The following ALK variants were observed in gnomAD, a reference collection of about 807,000 sequenced individuals.
The protein encoded by ALK is ALK tyrosine kinase receptor.
Under a neutral mutation model 163.1 loss-of-function variants are expected in ALK, and 74 were observed. That is an observed-to-expected ratio of 0.45 (90% CI 0.38 to 0.55). ALK has a LOEUF of 0.55. Among genes scored for constraint, ALK ranks in the 20% least tolerant of loss-of-function variants. The probability of loss-of-function intolerance (pLI) is 0.00; values close to 1 mark genes in which losing one functional copy is unlikely to be tolerated. For missense variants in ALK, 2,063 were observed against 2,105.3 expected, an observed-to-expected ratio of 0.98 and a Z score of 0.39; for synonymous variants, 960 against 843.2, an observed-to-expected ratio of 1.14 and a Z score of -2.40.
At chr2:29,711,415 G>A (rs1679097944) in intron 2 of ALK, among the ~76,000 whole-genome samples, 1 of 152,082 alleles carries the variant, frequency 6.6e-6, no homozygotes, top group Non-Finnish European at 1.5e-5. Flanking sequence ...CTGTGTTCCT[G>A]GGCCTCTGTT....
At chr2:29,752,670 C>T (rs541116256) in intron 1 of ALK, among the ~76,000 whole-genome samples, 2 of 152,134 alleles carry the variant, frequency 1.3e-5, no homozygotes, top group Admixed American at 6.5e-5. Context: ...TTTCAACTTA[C>T]GATGGGTTCA....
At chr2:29,204,703 C>A (rs143864309) in intron 26 of ALK, among the ~76,000 whole-genome samples, 1,598 of 152,304 alleles carry the variant, frequency 0.01, 14 homozygotes, top group Non-Finnish European at 0.015. Context: ...ATTTCTCCTG[C>A]CTCAGCCTCC....
At chr2:29,746,882 T>C (rs1008672775) in intron 1 of ALK, among the ~76,000 whole-genome samples, 6 of 152,240 alleles carry the variant, frequency 3.9e-5, no homozygotes, top group African/African-American at 1.4e-4. Context: ...ATAATGTTTG[T>C]GCAGAAACAT....
At chr2:29,885,202 G>T (rs541733040) in intron 1 of ALK, among the ~76,000 whole-genome samples, 24 of 152,164 alleles carry the variant, frequency 1.6e-4, no homozygotes, top group African/African-American at 5.5e-4. Flanking sequence ...GCCCCTTGTT[G>T]CCCAGAAACC....
intron 4 of ALK, among the ~76,000 whole-genome samples, chr2:29,439,684 TA>T (rs59027264): frequency 0.038 from 5,551 of 144,634 alleles, 340 homozygotes; most frequent in African/African-American, 0.14. Context: ...GTGTTCTTGT[TA>T]AAAAAAAAAA....
intron 4 of ALK, among the ~76,000 whole-genome samples, chr2:29,507,713 C>T (rs947572878): frequency 1.3e-5 from 2 of 152,050 alleles, no homozygotes; most frequent in Non-Finnish European, 2.9e-5. Context: ...ATGAGTTGAA[C>T]ACAAACAAAT....
At chr2:29,380,758 A>G (rs1468489013) in intron 5 of ALK, among the ~76,000 whole-genome samples, 1 of 152,072 alleles carries the variant, frequency 6.6e-6, no homozygotes, top group Non-Finnish European at 1.5e-5. Context: ...AAACATCCAG[A>G]TCTTATGAGA....
At chr2:29,906,373 T>G (rs1161234654) in intron 1 of ALK, among the ~76,000 whole-genome samples, 2 of 152,242 alleles carry the variant, frequency 1.3e-5, no homozygotes, top group African/African-American at 4.8e-5. Flanking sequence ...GTACAGTGTC[T>G]AACATACTGA....
At chr2:29,714,642 G>A (rs1205805076) in intron 2 of ALK, among the ~76,000 whole-genome samples, 1 of 152,158 alleles carries the variant, frequency 6.6e-6, no homozygotes, top group African/African-American at 2.4e-5. Context: ...AGCCAACCAA[G>A]CGTGGACTTC....
chr2:29,920,406 G>T lies in ALK; in HGVS notation c.254C>A (p.Pro85His). The change falls in exon 1 of 29, where the codon CCC (proline) becomes CAC (histidine). Residue 85 changes from proline (P) to histidine (H), a missense_variant. Pro to His is a moderately conservative substitution (Grantham distance 77). Transcript: ENST00000389048. The stretch of plus-strand genomic sequence containing the variant: ...CAGAGCTAGCGAGCCGCGGGCCTCG[G>T]GCCTGCCAGCCTTCAGCTCCGAGGA... ...PSSSELKAGR[P>H]EARGSLALDC... is the part of the protein sequence containing the mutation. 1 of 1,582,932 alleles carries T rather than the reference G, an allele frequency of 6.3e-7. No homozygotes were observed. The highest frequency in any genetic ancestry group is 8.6e-7 in the Non-Finnish European group (1 of 1,165,196).
At chr2:29,733,146 C>A (rs980175267) in intron 1 of ALK, among the ~76,000 whole-genome samples, 1 of 152,098 alleles carries the variant, frequency 6.6e-6, no homozygotes, top group African/African-American at 2.4e-5. Context: ...GCTAGTGGGG[C>A]ACTCTCCCTG....
chr2:29,775,646 C>T (rs1168562837), intron 1 of ALK, among the ~76,000 whole-genome samples: 4 of 152,110 alleles, frequency 2.6e-5, no homozygotes, highest in Admixed American at 6.5e-5. Context: ...TCTAGACAGA[C>T]TTCTTTGGGT....
At chr2:29,464,369 TATTTTAGGCTTTGCA>T (rs1052940936) in intron 4 of ALK, among the ~76,000 whole-genome samples, 2 of 152,148 alleles carry the variant, frequency 1.3e-5, no homozygotes, top group African/African-American at 2.4e-5. Flanking sequence ...AATATGCAAA[TATTTTAGGCTTTGCA>T]GGTCGTCAAC....
At chr2:29,785,930 C>T (rs1216749744) in intron 1 of ALK, among the ~76,000 whole-genome samples, 5 of 95,180 alleles carry the variant, frequency 5.3e-5, no homozygotes, top group South Asian at 2.8e-4. Flanking sequence ...CACACACACA[C>T]ACACACACAC....
At chr2:29,684,617 G>A (rs1005780582) in intron 3 of ALK, among the ~76,000 whole-genome samples, 1 of 152,190 alleles carries the variant, frequency 6.6e-6, no homozygotes, top group African/African-American at 2.4e-5. Flanking sequence ...TGAAGACACG[G>A]CACTTCCAGA....
chr2:29,355,970 G>A (rs1049255118), intron 5 of ALK, among the ~76,000 whole-genome samples: 1 of 152,120 alleles, frequency 6.6e-6, no homozygotes. Flanking sequence ...CCTCACAGTG[G>A]TATCTTATAA....
chr2:29,591,981 C>T (rs962451769), intron 3 of ALK, among the ~76,000 whole-genome samples: 3 of 151,938 alleles, frequency 2.0e-5, no homozygotes, highest in Non-Finnish European at 4.4e-5. Context: ...CTTAAGATCA[C>T]TCTCTATCTC....
intron 3 of ALK, among the ~76,000 whole-genome samples, chr2:29,627,589 C>T (rs1008056836): frequency 2.6e-5 from 4 of 152,240 alleles, no homozygotes; most frequent in African/African-American, 4.8e-5. Context: ...GCTGAGACCC[C>T]GGCAGGAGAC....
intron 13 of ALK, among the ~76,000 whole-genome samples, chr2:29,236,278 C>T (rs1157438115): frequency 1.3e-5 from 2 of 152,102 alleles, no homozygotes. Context: ...AGAAGGTCCA[C>T]CCCGTCGGCC....
Sources: gnomAD v4.1 joint callset for allele counts (sites outside exome capture counted in the v4.1 genomes callset) on GRCh38, gnomAD v4.1.1 for gene constraint, MANE v1.5 for transcripts, NCBI Gene and HGNC (gene_info 2026-07-23, HGNC 2026-07-21) for gene names.